Variants in MOSMO observed in about 807,000 individuals in gnomAD.
MOSMO encodes modulator of smoothened protein.
Under a neutral mutation model 18.4 loss-of-function variants are expected in MOSMO, and 5 were observed. That is an observed-to-expected ratio of 0.27 (90% confidence interval 0.14 to 0.57). The LOEUF (loss-of-function observed/expected upper bound fraction) is 0.57, where lower values mean the gene tolerates loss of function less well. Ranked by LOEUF, MOSMO falls within the 20% of genes least tolerant of loss-of-function variation. The pLI, the probability that MOSMO is intolerant of heterozygous loss-of-function variation, is 0.92. For missense variants in MOSMO, 138 were observed against 211.8 expected, an observed-to-expected ratio of 0.65 and a Z score of 2.16; for synonymous variants, 82 against 82.3, an observed-to-expected ratio of 1.00 and a Z score of 0.02.
chr16:22,018,694 G>C (rs1175797661), intron 1 of MOSMO, among the ~76,000 whole-genome samples: 1 of 152,074 alleles, frequency 6.6e-6, no homozygotes, highest in Non-Finnish European at 1.5e-5. Context: ...CTATACCCTG[G>C]GAAGATAAAA....
chr16:22,041,799 T>C (rs758220504), intron 1 of MOSMO, among the ~76,000 whole-genome samples: 1 of 151,984 alleles, frequency 6.6e-6, no homozygotes, highest in African/African-American at 2.4e-5. Flanking sequence ...CTCATATTCC[T>C]TAGTAGCTGG....
chr16:22,035,916 T>C (rs766944050), intron 1 of MOSMO, among the ~76,000 whole-genome samples: 3 of 152,182 alleles, frequency 2.0e-5, no homozygotes, highest in Non-Finnish European at 4.4e-5. Flanking sequence ...ATTGCCTTCT[T>C]AGTTTTTGGA....
At chr16:22,065,401 T>C (rs907563152) in intron 1 of MOSMO, among the ~76,000 whole-genome samples, 1 of 152,214 alleles carries the variant, frequency 6.6e-6, no homozygotes, top group African/African-American at 2.4e-5. Context: ...GGTATTACAA[T>C]AAAATCCATC....
intron 1 of MOSMO, chr16:22,075,208 C>T (rs1018739611): frequency 1.3e-5 from 6 of 471,342 alleles, no homozygotes; most frequent in Non-Finnish European, 2.1e-5. Context: ...ATACCTGACA[C>T]AATTACTCAG....
At chr16:22,086,859 T>C (rs1297435139), downstream of MOSMO, 1 of 152,162 alleles carries the variant, frequency 6.6e-6, no homozygotes, top group African/African-American at 2.4e-5. Flanking sequence ...AAAATTAAAG[T>C]TGGGGCTAGG....
intron 1 of MOSMO, among the ~76,000 whole-genome samples, chr16:22,067,955 A>G (rs889276150): frequency 6.6e-6 from 1 of 152,290 alleles, no homozygotes; most frequent in African/African-American, 2.4e-5. Context: ...TCAAAACTGA[A>G]GGAGAAATGT....
At chr16:22,044,847 A>G (rs1415342855) in intron 1 of MOSMO, among the ~76,000 whole-genome samples, 1 of 152,138 alleles carries the variant, frequency 6.6e-6, no homozygotes, top group East Asian at 1.9e-4. Context: ...TCAGTTTAGC[A>G]AATTATTCTG....
At chr16:22,030,270 C>T (rs1277647033) in intron 1 of MOSMO, among the ~76,000 whole-genome samples, 1 of 152,088 alleles carries the variant, frequency 6.6e-6, no homozygotes, top group African/African-American at 2.4e-5. Flanking sequence ...TCACTGGGAT[C>T]CAGAACCTAT....
intron 1 of MOSMO, among the ~76,000 whole-genome samples, chr16:22,053,481 A>G (rs1023351304): frequency 1.3e-5 from 2 of 152,180 alleles, no homozygotes; most frequent in Admixed American, 6.5e-5. Context: ...ATATGCGTAC[A>G]TTATCCCTCC....
intron 1 of MOSMO, among the ~76,000 whole-genome samples, chr16:22,013,065 T>G (rs1899565638): frequency 6.6e-6 from 1 of 152,176 alleles, no homozygotes; most frequent in Non-Finnish European, 1.5e-5. Context: ...TACATAATTC[T>G]GCTATGCTAA....
At chr16:22,085,454 A>G (rs995523134), downstream of MOSMO, among the ~76,000 whole-genome samples, 2 of 152,100 alleles carry the variant, frequency 1.3e-5, no homozygotes, top group African/African-American at 4.8e-5. Flanking sequence ...TTGGGGGGTT[A>G]TTTTCTATAA....
chr16:22,025,490 A>G (rs964904729), intron 1 of MOSMO, among the ~76,000 whole-genome samples: 1 of 152,190 alleles, frequency 6.6e-6, no homozygotes, highest in African/African-American at 2.4e-5. Context: ...GAATAGTACC[A>G]CTACTGTAAA....
chr16:22,052,282 C>T (rs1186345249), intron 1 of MOSMO, among the ~76,000 whole-genome samples: 2 of 152,148 alleles, frequency 1.3e-5, no homozygotes, highest in Non-Finnish European at 2.9e-5. Context: ...CAGGATGAGG[C>T]AGCCCTGTAT....
At chr16:22,087,660 A>G (rs1423687339), downstream of MOSMO, 1 of 152,200 alleles carries the variant, frequency 6.6e-6, no homozygotes, top group Admixed American at 6.5e-5. Context: ...TGACTACCTC[A>G]TCTTCTAAAT....
chr16:22,017,509 A>G (rs553557505), intron 1 of MOSMO, among the ~76,000 whole-genome samples: 2 of 152,264 alleles, frequency 1.3e-5, no homozygotes, highest in South Asian at 2.1e-4. Flanking sequence ...TAGCAGCTTT[A>G]TAATTAGAAA....
chr16:22,050,891 A>AG (rs1474196087), intron 1 of MOSMO, among the ~76,000 whole-genome samples: 1 of 151,124 alleles, frequency 6.6e-6, no homozygotes, highest in Admixed American at 6.6e-5. Context: ...TCTTAAGAAA[A>AG]AAAAAAAAAA....
At chr16:22,028,576 C>T (rs1311838212) in intron 1 of MOSMO, among the ~76,000 whole-genome samples, 11 of 152,092 alleles carry the variant, frequency 7.2e-5, no homozygotes, top group Admixed American at 5.9e-4. Context: ...ATCAGAATCA[C>T]ATAATTACTA....
chr16:22,012,665 G>T (rs1433650117), intron 1 of MOSMO, among the ~76,000 whole-genome samples: 2 of 145,678 alleles, frequency 1.4e-5, no homozygotes, highest in East Asian at 4.1e-4. Flanking sequence ...CTTCCGTGCT[G>T]TTCTTCCTCT....
At chr16:22,057,378 G>T (rs1388455403) in intron 1 of MOSMO, among the ~76,000 whole-genome samples, 1 of 152,218 alleles carries the variant, frequency 6.6e-6, no homozygotes, top group Non-Finnish European at 1.5e-5. Flanking sequence ...ATTCTCACAA[G>T]CTCTTTTTAT....
Sources: gnomAD v4.1 joint callset for allele counts (sites outside exome capture counted in the v4.1 genomes callset) on GRCh38, gnomAD v4.1.1 for gene constraint, MANE v1.5 for transcripts, NCBI Gene and HGNC (gene_info 2026-07-23, HGNC 2026-07-21) for gene names.